Variants in TTYH2 observed in about 807,000 individuals in gnomAD.
TTYH2 encodes protein tweety homolog 2.
TTYH2 carries 49 observed loss-of-function variants against 68.3 expected under a neutral mutation model. The ratio of observed to expected loss-of-function variants is 0.72; its 90% confidence interval spans 0.57 to 0.91. TTYH2 has a LOEUF of 0.91. Among genes scored for constraint, TTYH2 ranks in the 40% least tolerant of loss-of-function variants. The pLI is 0.00. For missense variants in TTYH2, 631 were observed against 700.4 expected (o/e 0.90, Z 1.12); for synonymous variants, 272 against 300.8 (o/e 0.90, Z 0.99).
chr17:74,229,287 G>C (rs1443129054), intron 2 of TTYH2, among the ~76,000 whole-genome samples: 1 of 152,130 alleles, frequency 6.6e-6, no homozygotes, highest in East Asian at 1.9e-4. Flanking sequence ...AGAATCCCCT[G>C]GGGGCTGGTA....
rs1346077051 is a variant in TTYH2, at chr17:74,239,026, A to T, written c.635+1512A>T. ...ATGCCCAGACCAGCCTCACTTATGT[A>T]GAACCTGAGTGATGGGGACTGAGGG... is the stretch of plus-strand genomic sequence containing the variant. On this transcript the variant is annotated intron_variant, in intron 4 of 13. Transcript: ENST00000269346. This position sits in a 1 kb window ranked among gnomAD's most constrained non-coding sequence, Gnocchi z 5.3. Among the ~76,000 whole-genome samples the T allele has an allele frequency of 6.6e-6, 1 of 152,114 alleles. No individual in the cohort carries two copies. The highest frequency in any genetic ancestry group is 1.9e-4 in the East Asian group (1 of 5,156).
intron 2 of TTYH2, among the ~76,000 whole-genome samples, chr17:74,230,230 T>C (rs1039688115): frequency 1.3e-5 from 2 of 151,636 alleles, no homozygotes; most frequent in Non-Finnish European, 2.9e-5. Context: ...CTGTATGATA[T>C]GGTAATGGTG....
At chr17:74,224,052 A>G (rs2050305659) in intron 2 of TTYH2, among the ~76,000 whole-genome samples, 1 of 152,202 alleles carries the variant, frequency 6.6e-6, no homozygotes, top group African/African-American at 2.4e-5. Context: ...ACAGGCCGGG[A>G]GGTCACAGTC....
In TTYH2 at chr17:74,249,078, C is replaced by T. The variant is rs1442688073; in HGVS notation, c.872C>T (p.Thr291Ile). 1.2e-6 allele frequency: 2 copies of T among 1,614,078 alleles called. No individual in the cohort carries two copies. The highest frequency in any genetic ancestry group is 8.5e-7 in the Non-Finnish European group (1 of 1,180,034). The change falls in exon 7 of 14, where the codon ACA (threonine) becomes ATA (isoleucine). Residue 291 changes from threonine to isoleucine, a missense_variant and splice_region_variant. By Grantham distance (89) the Thr-to-Ile change is moderately conservative. Coordinates refer to ENST00000269346, the MANE Select transcript of TTYH2 (RefSeq NM_032646.6). ...ILNVTEGQIS[T>I]EVTRYYLYCS... ...AACGTCACGGAGGGCCAGATCAGCACAGGTAACTACACACTCTCAGGCTGC... is the reference window on the plus strand; with the variant it reads ...AACGTCACGGAGGGCCAGATCAGCATAGGTAACTACACACTCTCAGGCTGC...
At chr17:74,255,889 TC>T (rs1167399811) in intron 13 of TTYH2, among the ~76,000 whole-genome samples, 1 of 152,096 alleles carries the variant, frequency 6.6e-6, no homozygotes, top group Non-Finnish European at 1.5e-5. Context: ...GAAGGGGACA[TC>T]CAACAGGAAA....
intron 2 of TTYH2, among the ~76,000 whole-genome samples, chr17:74,228,663 G>T (rs1055136953): frequency 2.0e-5 from 3 of 151,482 alleles, no homozygotes; most frequent in African/African-American, 7.3e-5. Flanking sequence ...TTCTTGGGAA[G>T]AAATTCAGGG....
At chr17:74,249,115 C>T (rs779385116) in intron 7 of TTYH2, 35 bp downstream of exon 7, 1 of 1,613,122 alleles carries the variant, frequency 6.2e-7, no homozygotes, top group South Asian at 1.1e-5. Flanking sequence ...GCTGTGGATG[C>T]ATAGGTGGCC....
Position 74,261,567 on chromosome 17 carries a change from G to T in TTYH2, c.*1358G>T, listed in dbSNP as rs1412041216. ...TGAGGGACCAGAGTTGGGGTCTTTG[G>T]TGCTTCCAACCTCCTGCCAACCTGG... On this transcript the variant is annotated 3_prime_UTR_variant, in exon 14 of 14. Coordinates refer to ENST00000269346, the MANE Select transcript of TTYH2 (RefSeq NM_032646.6). The T allele has an allele frequency of 6.6e-6, 1 of 152,590 alleles. No homozygotes were observed. Among genetic ancestry groups the T allele is most frequent in the Non-Finnish European group, 1.5e-5 (1 of 68,042 alleles). The allele number at this position is 152,590 out of a possible 1,614,324, so 9.5% of individuals were successfully genotyped here.
In TTYH2 at chr17:74,241,342, G is replaced by A. The variant is rs1383448089; in HGVS notation, c.636-2032G>A. Among the ~76,000 whole-genome samples the A allele has an allele frequency of 1.3e-5, 2 of 151,780 alleles. No individual in the cohort carries two copies. The highest frequency in any genetic ancestry group is 2.9e-5 in the Non-Finnish European group (2 of 67,982). On this transcript the variant is annotated intron_variant, in intron 4 of 13. Transcript: ENST00000269346. This position sits in a 1 kb window ranked among gnomAD's most constrained non-coding sequence, Gnocchi z 4.1. The stretch of plus-strand genomic sequence containing the variant: ...GATCCAAACACTAGATGGTTTGCGA[G>A]GTTCCTTCCAGCTCTGAGCTAAGTC...
chr17:74,253,389 C>T lies in TTYH2; in HGVS notation c.1445+123C>T, dbSNP rs919521182. Reference sequence around the variant, plus strand: ...CCACCCGTGGTCCCCACTACAGCCACAGGGTGCCTGGAGGGAAGGCCCCCG... The same window carrying T: ...CCACCCGTGGTCCCCACTACAGCCATAGGGTGCCTGGAGGGAAGGCCCCCG... On this transcript the variant is annotated intron_variant, in intron 12 of 13. Transcript: ENST00000269346. 4 of 1,247,132 alleles carry T rather than the reference C, an allele frequency of 3.2e-6. No individual in the cohort carries two copies. In the African/African-American group the frequency reaches 6.1e-5, roughly 19 times the overall value. 77.3% of individuals were successfully genotyped at this position (1,247,132 alleles called of 1,614,324 possible).
chr17:74,253,404 G>A (rs1200982357), intron 12 of TTYH2, 138 bp downstream of exon 12: 1 of 1,063,398 alleles, frequency 9.4e-7, no homozygotes, highest in Non-Finnish European at 1.3e-6. Flanking sequence ...TGCCTGGAGG[G>A]AAGGCCCCCG....
At chr17:74,257,264 T>A (rs545710077) in intron 13 of TTYH2, among the ~76,000 whole-genome samples, 1 of 152,304 alleles carries the variant, frequency 6.6e-6, no homozygotes, top group African/African-American at 2.4e-5. Context: ...CCTCCCTAGA[T>A]TTAAGACCTG....
chr17:74,222,452 G>A lies in TTYH2; in HGVS notation c.130-33G>A. On this transcript the variant is annotated intron_variant, in intron 1 of 13. Transcript: ENST00000269346. The surrounding 1 kb of genome is among the most constrained non-coding windows in gnomAD (Gnocchi z 5.2). ...TTCCAGAGCCCCGCACTGCAGGGAT[G>A]AAGAGTGACAACAGGCCTCTGCTCT... The A allele has an allele frequency of 1.3e-6, 2 of 1,586,954 alleles. No homozygotes were observed. Among genetic ancestry groups the A allele is most frequent in the African/African-American group, 1.3e-5 (1 of 74,780 alleles).
Position 74,239,292 on chromosome 17 carries a change from TGGCCTGGGCTTGTGC to T in TTYH2, c.635+1779_635+1793del, listed in dbSNP as rs1164268278. Reference sequence around the variant, plus strand: ...CTTTGGAGGGCTCCCGGCTGAATGATGGCCTGGGCTTGTGCTCCCAGGGCCCGGGCCTAGCATGGA... The same window carrying T: ...CTTTGGAGGGCTCCCGGCTGAATGATTCCCAGGGCCCGGGCCTAGCATGGA... On this transcript the variant is annotated intron_variant, in intron 4 of 13. Coordinates refer to ENST00000269346, the MANE Select transcript of TTYH2 (RefSeq NM_032646.6). This position sits in a 1 kb window ranked among gnomAD's most constrained non-coding sequence, Gnocchi z 5.3. 6.6e-6 allele frequency among the ~76,000 whole-genome samples: 1 copy of T among 152,176 alleles called. No homozygotes were observed. The highest frequency in any genetic ancestry group is 6.5e-5 in the Admixed American group (1 of 15,282).
In TTYH2 at chr17:74,260,760, G is replaced by A. The variant is rs956936790; in HGVS notation, c.*551G>A. ...GAACAGCCCAAATCAGAGTTCCCAG[G>A]GCCAGACAGGCTCTTCCTGGGCCAC... On this transcript the variant is annotated 3_prime_UTR_variant, in exon 14 of 14. Transcript: ENST00000269346. 1 of 154,938 alleles carries A rather than the reference G, an allele frequency of 6.5e-6. No individual in the cohort carries two copies. Among genetic ancestry groups the A allele is most frequent in the Non-Finnish European group, 1.4e-5 (1 of 69,544 alleles). 9.6% of individuals were successfully genotyped at this position (154,938 alleles called of 1,614,324 possible).
intron 2 of TTYH2, among the ~76,000 whole-genome samples, chr17:74,229,396 A>G (rs2050364358): frequency 6.6e-6 from 1 of 152,194 alleles, no homozygotes; most frequent in South Asian, 2.1e-4. Flanking sequence ...ACTAGAGGAC[A>G]GTATTTTCCT....
At chr17:74,255,489 C>T (rs1434471039) in intron 13 of TTYH2, among the ~76,000 whole-genome samples, 3 of 151,666 alleles carry the variant, frequency 2.0e-5, no homozygotes, top group African/African-American at 4.9e-5. Context: ...TCTCACTCTT[C>T]TGCCCAGGCT....
rs2050495979 is a variant in TTYH2, at chr17:74,241,194, G to A, written c.636-2180G>A. On this transcript the variant is annotated intron_variant, in intron 4 of 13. Transcript: ENST00000269346. The surrounding 1 kb of genome is among the most constrained non-coding windows in gnomAD (Gnocchi z 4.1). ...CCAGCACTTTGGGAGGCTGAGGCAG[G>A]AGGATCTCTTGAGTCCAGGAGTTTG... is the stretch of plus-strand genomic sequence containing the variant. 1.3e-5 allele frequency among the ~76,000 whole-genome samples: 2 copies of A among 152,070 alleles called. No individual in the cohort carries two copies. Among genetic ancestry groups the A allele is most frequent in the Admixed American group, 1.3e-4 (2 of 15,266 alleles).
At chr17:74,242,849 G>A (rs1400119415) in intron 4 of TTYH2, among the ~76,000 whole-genome samples, 1 of 152,170 alleles carries the variant, frequency 6.6e-6, no homozygotes, top group African/African-American at 2.4e-5. Context: ...GTCTGATGCT[G>A]TCTGAGAGTT....
Sources: gnomAD v4.1 joint callset for allele counts (sites outside exome capture counted in the v4.1 genomes callset) on GRCh38, gnomAD v4.1.1 for gene constraint, Gnocchi (gnomAD v3.1) non-coding constraint, MANE v1.5 for transcripts, NCBI Gene and HGNC (gene_info 2026-07-23, HGNC 2026-07-21) for gene names.